Variants in DCC observed in about 807,000 individuals in gnomAD.
DCC encodes netrin receptor DCC.
Under a neutral mutation model 172.5 loss-of-function variants are expected in DCC, and 58 were observed. That is an observed-to-expected ratio of 0.34 (90% CI 0.27 to 0.42). The LOEUF (loss-of-function observed/expected upper bound fraction) is 0.42. Among genes scored for constraint, DCC ranks in the 10% least tolerant of loss-of-function variants. DCC has a pLI of 1.00. For synonymous variants in DCC, 709 were observed against 644.5 expected, an observed-to-expected ratio of 1.10 and a Z score of -1.52; for missense variants, 1,740 against 1,791.0, an observed-to-expected ratio of 0.97 and a Z score of 0.51.
At chr18:52,910,889 G>T (rs2039962082) in intron 3 of DCC, among the ~76,000 whole-genome samples, 1 of 151,934 alleles carries the variant, frequency 6.6e-6, no homozygotes, top group African/African-American at 2.4e-5. Context: ...AAATATACAT[G>T]ATTTTTGTCT....
At chr18:53,091,731 C>T (rs1010046248) in intron 7 of DCC, among the ~76,000 whole-genome samples, 2 of 151,890 alleles carry the variant, frequency 1.3e-5, no homozygotes, top group Non-Finnish European at 2.9e-5. Context: ...CTAATATGAT[C>T]ACTTTGGAGG....
intron 1 of DCC, among the ~76,000 whole-genome samples, chr18:52,369,652 G>A (rs940515683): frequency 1.3e-5 from 2 of 151,756 alleles, no homozygotes; most frequent in Admixed American, 6.6e-5. Flanking sequence ...TTAATTGTCA[G>A]TACTGAAAGA....
At chr18:53,312,172 A>AAAAAAG (rs2057278251) in intron 13 of DCC, among the ~76,000 whole-genome samples, 1 of 35,746 alleles carries the variant, frequency 2.8e-5, no homozygotes, top group African/African-American at 1.4e-4. Context: ...AAAAAAAAAA[A>AAAAAAG]AAAAAGAAAA....
intron 1 of DCC, among the ~76,000 whole-genome samples, chr18:52,582,764 A>T (rs1318023629): frequency 6.6e-6 from 1 of 152,196 alleles, no homozygotes; most frequent in Non-Finnish European, 1.5e-5. Context: ...TTTTATAGCT[A>T]GCCACCAGCT....
At chr18:52,645,233 C>T (rs1321050277) in intron 1 of DCC, among the ~76,000 whole-genome samples, 3 of 152,058 alleles carry the variant, frequency 2.0e-5, no homozygotes, top group Non-Finnish European at 4.4e-5. Flanking sequence ...AGTAGTTCAT[C>T]GCAGCTAGTA....
chr18:53,065,636 T>G (rs1187192494), intron 6 of DCC, among the ~76,000 whole-genome samples: 1 of 152,186 alleles, frequency 6.6e-6, no homozygotes, highest in Non-Finnish European at 1.5e-5. Context: ...AATACCAGTA[T>G]TTATACCCTT....
At chr18:52,750,654 A>AAGAAGCTCTTCTTAC (rs2036980615) in intron 1 of DCC, among the ~76,000 whole-genome samples, 6 of 152,236 alleles carry the variant, frequency 3.9e-5, no homozygotes, top group Non-Finnish European at 8.8e-5. Context: ...AAATAAAACC[A>AAGAAGCTCTTCTTAC]GGGAGAAACC....
intron 15 of DCC, among the ~76,000 whole-genome samples, chr18:53,349,785 G>C (rs1029484333): frequency 6.6e-6 from 1 of 152,120 alleles, no homozygotes; most frequent in African/African-American, 2.4e-5. Context: ...GGAAAGTCCT[G>C]CCCCCTTAAT....
At chr18:52,399,829 T>C (rs1280304586) in intron 1 of DCC, among the ~76,000 whole-genome samples, 5 of 152,042 alleles carry the variant, frequency 3.3e-5, no homozygotes, top group African/African-American at 1.2e-4. Context: ...CTTATTCTTA[T>C]TAATATCGTT....
rs201162155 is a variant in DCC, at chr18:52,924,855, C to T, written c.849-379C>T. Among the ~76,000 whole-genome samples the T allele has an allele frequency of 2.0e-5, 3 of 151,944 alleles. No individual in the cohort carries two copies. The East Asian group carries it at 5.8e-4, about 29-fold the overall frequency. The stretch of plus-strand genomic sequence containing the variant: ...GTGCAGTATCAAATATGGTTTTGTA[C>T]AAAGGTTACTAAATTGGATTTCAGG... On this transcript the variant is annotated intron_variant, in intron 4 of 28. Transcript: ENST00000442544.
intron 11 of DCC, among the ~76,000 whole-genome samples, chr18:53,212,626 G>A (rs2055774241): frequency 1.3e-5 from 2 of 151,672 alleles, no homozygotes; most frequent in South Asian, 4.1e-4. Context: ...ATTACAAAAG[G>A]ACTTTTAGCA....
At chr18:53,049,595 T>C (rs1005498816) in intron 5 of DCC, among the ~76,000 whole-genome samples, 4 of 152,130 alleles carry the variant, frequency 2.6e-5, no homozygotes, top group Admixed American at 1.3e-4. Flanking sequence ...AGCCTTGTAG[T>C]ATAGTTAGAA....
At chr18:53,406,197 C>T (rs1235945192) in intron 19 of DCC, among the ~76,000 whole-genome samples, 3 of 152,070 alleles carry the variant, frequency 2.0e-5, no homozygotes, top group Admixed American at 6.5e-5. Flanking sequence ...TTCTCTTTTT[C>T]TGTGTCATTT....
At chr18:52,436,218 G>C (rs1987789999) in intron 1 of DCC, among the ~76,000 whole-genome samples, 1 of 152,230 alleles carries the variant, frequency 6.6e-6, no homozygotes, top group South Asian at 2.1e-4. Context: ...AAAGAGCTAG[G>C]GGAAACCCCC....
In DCC at chr18:53,015,783, C is replaced by A. The variant is rs181193532; in HGVS notation, c.986-47522C>A. 1.7e-3 allele frequency among the ~76,000 whole-genome samples: 263 copies of A among 152,110 alleles called. 1 individual carries two copies. The highest frequency in any genetic ancestry group is 6.0e-3 in the African/African-American group (251 of 41,538). On this transcript the variant is annotated intron_variant, in intron 5 of 28. Coordinates refer to ENST00000442544, the MANE Select transcript of DCC (RefSeq NM_005215.4). The stretch of plus-strand genomic sequence containing the variant: ...AACCACAAGTTTAGACAAACAAATG[C>A]ACTGAACTGAATTTTGAGTAAACTT...
At chr18:52,912,957 T>C (rs1415419134) in intron 3 of DCC, among the ~76,000 whole-genome samples, 1 of 152,066 alleles carries the variant, frequency 6.6e-6, no homozygotes, top group Non-Finnish European at 1.5e-5. Flanking sequence ...AAATATGAGA[T>C]TGTTCTATTT....
intron 1 of DCC, among the ~76,000 whole-genome samples, chr18:52,403,718 T>C (rs771184556): frequency 4.6e-5 from 7 of 152,068 alleles, no homozygotes; most frequent in Non-Finnish European, 8.8e-5. Context: ...TGTGTATGTG[T>C]GTGTGTGTTC....
chr18:53,482,330 A>T (rs2045842601), intron 25 of DCC, among the ~76,000 whole-genome samples: 1 of 152,152 alleles, frequency 6.6e-6, no homozygotes, highest in African/African-American at 2.4e-5. Context: ...CATACAACAG[A>T]TTTATTATTT....
intron 19 of DCC, among the ~76,000 whole-genome samples, 191 bp downstream of exon 19, chr18:53,403,084 A>G (rs1319979172): frequency 2.4e-4 from 19 of 80,788 alleles, no homozygotes; most frequent in Non-Finnish European, 4.1e-4. Flanking sequence ...GCACACACAC[A>G]CACACACACA....
Sources: gnomAD v4.1 joint callset for allele counts (sites outside exome capture counted in the v4.1 genomes callset) on GRCh38, gnomAD v4.1.1 for gene constraint, MANE v1.5 for transcripts, NCBI Gene and HGNC (gene_info 2026-07-23, HGNC 2026-07-21) for gene names.